Variants in BCKDHB observed in about 807,000 individuals in gnomAD.
The protein encoded by BCKDHB is 2-oxoisovalerate dehydrogenase subunit beta, mitochondrial.
BCKDHB carries 41 observed loss-of-function variants against 48.5 expected under a neutral mutation model. That is an observed-to-expected ratio of 0.85 (90% CI 0.66 to 1.10). The LOEUF (loss-of-function observed/expected upper bound fraction) is 1.10. Among genes scored for constraint, BCKDHB ranks in the 50% least tolerant of loss-of-function variants. BCKDHB has a pLI of 0.00. For synonymous variants in BCKDHB, 201 were observed against 174.8 expected (o/e 1.15, Z -1.18); for missense variants, 496 against 494.2 (o/e 1.00, Z -0.03).
the BCKDHB span, among the ~76,000 whole-genome samples, chr6:80,361,898 G>A: frequency 2.0e-5 from 3 of 152,142 alleles, no homozygotes; most frequent in Non-Finnish European, 4.4e-5. Context: ...GAACACGCAT[G>A]GGAGAGAGCT....
chr6:80,369,662 C>G, the BCKDHB span, among the ~76,000 whole-genome samples: 92 of 151,672 alleles, frequency 6.1e-4, 1 homozygote, highest in African/African-American at 2.2e-3. Context: ...CAAGGTAGAA[C>G]TTCTTATTTC....
At chr6:80,314,901 C>T (rs1001657670) in intron 9 of BCKDHB, among the ~76,000 whole-genome samples, 7 of 152,148 alleles carry the variant, frequency 4.6e-5, no homozygotes, top group Non-Finnish European at 8.8e-5. Context: ...CTGTGCTGTG[C>T]GGCGGGACTC....
At chr6:80,439,326 A>T in the BCKDHB span, among the ~76,000 whole-genome samples, 3 of 152,192 alleles carry the variant, frequency 2.0e-5, no homozygotes, top group African/African-American at 7.2e-5. Context: ...TGAACTAAAT[A>T]AAAAAGATGG....
chr6:80,212,432 A>G (rs940229177), intron 8 of BCKDHB, among the ~76,000 whole-genome samples: 6 of 152,108 alleles, frequency 3.9e-5, no homozygotes, highest in Non-Finnish European at 7.4e-5. Context: ...AAGAAGAAAA[A>G]TGTGGCTCTT....
chr6:80,254,787 A>G (rs1050199350), intron 8 of BCKDHB, among the ~76,000 whole-genome samples: 1 of 152,194 alleles, frequency 6.6e-6, no homozygotes. Flanking sequence ...AAACTGAGAG[A>G]ATCATAGATG....
At chr6:80,224,210 C>G (rs1775582454) in intron 8 of BCKDHB, among the ~76,000 whole-genome samples, 1 of 152,068 alleles carries the variant, frequency 6.6e-6, no homozygotes, top group Non-Finnish European at 1.5e-5. Flanking sequence ...TCATGGGACT[C>G]TAATGCTCCT....
At chr6:80,119,566 A>G (rs1769895328) in intron 1 of BCKDHB, among the ~76,000 whole-genome samples, 1 of 151,544 alleles carries the variant, frequency 6.6e-6, no homozygotes, top group South Asian at 2.1e-4. Flanking sequence ...AGTGATCCGC[A>G]CCCCCCTTGG....
chr6:80,272,684 C>T (rs1169329898), intron 8 of BCKDHB, among the ~76,000 whole-genome samples: 3 of 152,116 alleles, frequency 2.0e-5, no homozygotes, highest in Non-Finnish European at 4.4e-5. Context: ...CTATAGCTTT[C>T]ACATACTGTT....
chr6:80,436,970 C>A, the BCKDHB span, among the ~76,000 whole-genome samples: 143 of 152,226 alleles, frequency 9.4e-4, no homozygotes, highest in Middle Eastern at 6.8e-3. Context: ...GTGGAATAAC[C>A]ACTAGGTATA....
At chr6:80,271,607 T>C (rs543629913) in intron 8 of BCKDHB, among the ~76,000 whole-genome samples, 1 of 152,170 alleles carries the variant, frequency 6.6e-6, no homozygotes, top group East Asian at 1.9e-4. Flanking sequence ...GTACCAGCAT[T>C]TTTATAGAAG....
intron 8 of BCKDHB, among the ~76,000 whole-genome samples, chr6:80,257,472 A>AT (rs1453288440): frequency 4.0e-5 from 6 of 150,688 alleles, no homozygotes; most frequent in African/African-American, 1.5e-4. Flanking sequence ...TCTAATAAAT[A>AT]ATGTAACAGT....
At chr6:80,294,223 G>A (rs372429860) in intron 9 of BCKDHB, among the ~76,000 whole-genome samples, 96 of 152,230 alleles carry the variant, frequency 6.3e-4, no homozygotes, top group African/African-American at 2.2e-3. Flanking sequence ...GACATTTATC[G>A]GTTCTCAAAT....
chr6:80,186,836 C>G (rs57634027), intron 6 of BCKDHB, among the ~76,000 whole-genome samples: 2,835 of 152,294 alleles, frequency 0.019, 82 homozygotes, highest in African/African-American at 0.065. Context: ...TGCCTAAATC[C>G]ATTTTAACTT....
chr6:80,124,903 A>G (rs976386535), intron 1 of BCKDHB, among the ~76,000 whole-genome samples: 2 of 152,210 alleles, frequency 1.3e-5, no homozygotes, highest in African/African-American at 2.4e-5. Flanking sequence ...CAAGGGTGCT[A>G]GGACTTTCAG....
intron 8 of BCKDHB, among the ~76,000 whole-genome samples, chr6:80,207,213 GAA>G (rs1763402032): frequency 6.6e-6 from 1 of 151,900 alleles, no homozygotes; most frequent in Non-Finnish European, 1.5e-5. Flanking sequence ...TAAGTTTAGT[GAA>G]GTTTAAGTTA....
At chr6:80,383,576 T>C in the BCKDHB span, among the ~76,000 whole-genome samples, 1 of 152,134 alleles carries the variant, frequency 6.6e-6, no homozygotes, top group Non-Finnish European at 1.5e-5. Flanking sequence ...TACATTTAAA[T>C]ATTCAATTTA....
the BCKDHB span, among the ~76,000 whole-genome samples, chr6:80,458,997 G>T: frequency 6.4e-4 from 97 of 152,298 alleles, 1 homozygote; most frequent in African/African-American, 2.1e-3. Flanking sequence ...TGTTGAGGAT[G>T]TGGAGAAATT....
At chr6:80,389,515 A>G in the BCKDHB span, among the ~76,000 whole-genome samples, 1 of 152,212 alleles carries the variant, frequency 6.6e-6, no homozygotes, top group African/African-American at 2.4e-5. Context: ...CCTATGCTGC[A>G]TACAGTGCTT....
chr6:80,182,412 G>A (rs1342053262), intron 6 of BCKDHB, among the ~76,000 whole-genome samples: 1 of 152,150 alleles, frequency 6.6e-6, no homozygotes, highest in Non-Finnish European at 1.5e-5. Context: ...TTGACCGTAA[G>A]CAGATATCTA....
Sources: gnomAD v4.1 joint callset for allele counts (sites outside exome capture counted in the v4.1 genomes callset) on GRCh38, gnomAD v4.1.1 for gene constraint, MANE v1.5 for transcripts, NCBI Gene and HGNC (gene_info 2026-07-23, HGNC 2026-07-21) for gene names.